The following ERBB4 variants were observed in gnomAD, a reference collection of about 807,000 sequenced individuals.
ERBB4 encodes the protein erb-b2 receptor tyrosine kinase 4.
Under a neutral mutation model 158.0 loss-of-function variants are expected in ERBB4, and 42 were observed. The ratio of observed to expected loss-of-function variants is 0.27; its 90% confidence interval spans 0.21 to 0.34. The LOEUF (loss-of-function observed/expected upper bound fraction) is 0.34, where lower values mean the gene tolerates loss of function less well. Among genes scored for constraint, ERBB4 ranks in the 10% least tolerant of loss-of-function variants. The pLI is 1.00. For missense variants in ERBB4, 1,333 were observed against 1,624.1 expected, an observed-to-expected ratio of 0.82 and a Z score of 3.08; for synonymous variants, 583 against 558.7, an observed-to-expected ratio of 1.04 and a Z score of -0.61.
At chr2:212,413,134 A>ATTTTT (rs370397826) in intron 1 of ERBB4, among the ~76,000 whole-genome samples, 10 of 101,212 alleles carry the variant, frequency 9.9e-5, no homozygotes, top group Non-Finnish European at 1.5e-4. Context: ...TGCGTGGCTA[A>ATTTTT]TTTTTTTTTT....
chr2:212,244,388 G>A (rs1342540111), intron 1 of ERBB4, among the ~76,000 whole-genome samples: 1 of 152,022 alleles, frequency 6.6e-6, no homozygotes, highest in Non-Finnish European at 1.5e-5. Context: ...GGAGCATTCT[G>A]ACAAGACATA....
At chr2:211,683,698 G>A (rs376844131) in intron 12 of ERBB4, among the ~76,000 whole-genome samples, 8 of 150,706 alleles carry the variant, frequency 5.3e-5, no homozygotes, top group East Asian at 3.9e-4. Flanking sequence ...ATAAATTCTC[G>A]GGAGTTAATT....
At chr2:212,099,662 G>C (rs550671830) in intron 2 of ERBB4, among the ~76,000 whole-genome samples, 41 of 151,518 alleles carry the variant, frequency 2.7e-4, no homozygotes, top group African/African-American at 9.2e-4. Context: ...GACAGTGTTA[G>C]TTTTGGCTCT....
chr2:212,127,508 C>T (rs975578817), intron 1 of ERBB4, among the ~76,000 whole-genome samples: 2 of 152,134 alleles, frequency 1.3e-5, no homozygotes, highest in African/African-American at 4.8e-5. Flanking sequence ...AGGAGAATGG[C>T]ATGAACCCGG....
chr2:211,956,704 T>C (rs1444648132), intron 2 of ERBB4, among the ~76,000 whole-genome samples: 2 of 152,110 alleles, frequency 1.3e-5, no homozygotes, highest in Admixed American at 1.3e-4. Flanking sequence ...GTAAACAATA[T>C]ATAAGCAAAA....
intron 2 of ERBB4, among the ~76,000 whole-genome samples, chr2:211,996,412 T>C (rs1283654777): frequency 6.6e-6 from 1 of 152,110 alleles, no homozygotes; most frequent in Non-Finnish European, 1.5e-5. Flanking sequence ...TGAATTTCCA[T>C]CCTATTTTAA....
chr2:212,282,600 A>T (rs2085800713), intron 1 of ERBB4, among the ~76,000 whole-genome samples: 1 of 151,946 alleles, frequency 6.6e-6, no homozygotes, highest in African/African-American at 2.4e-5. Flanking sequence ...ATGGACAAAA[A>T]TAATGGGATA....
At chr2:211,721,517 G>T (rs929561125) in intron 7 of ERBB4, among the ~76,000 whole-genome samples, 10 of 139,100 alleles carry the variant, frequency 7.2e-5, no homozygotes, top group Non-Finnish European at 1.4e-4. Context: ...TGAAAGTTAA[G>T]TCGGTCCTTT....
At chr2:211,559,057 T>C (rs2067314818) in intron 20 of ERBB4, among the ~76,000 whole-genome samples, 1 of 152,178 alleles carries the variant, frequency 6.6e-6, no homozygotes. Context: ...GTGCCAAGTC[T>C]GAAACTGAAC....
At chr2:211,507,240 C>T (rs2065774830) in intron 20 of ERBB4, among the ~76,000 whole-genome samples, 1 of 151,914 alleles carries the variant, frequency 6.6e-6, no homozygotes, top group East Asian at 1.9e-4. Context: ...TCAATAAAAG[C>T]CCAGGACCAG....
At chr2:212,060,995 T>A (rs1006630420) in intron 2 of ERBB4, among the ~76,000 whole-genome samples, 2 of 144,566 alleles carry the variant, frequency 1.4e-5, no homozygotes, top group South Asian at 2.2e-4. Flanking sequence ...ATAAATAAAA[T>A]AAAAAAGTAA....
At position 211,607,138 on chromosome 2, in the gene ERBB4, TA is replaced by T. The variant is rs2069013071; in HGVS notation, c.2301+12038del. The stretch of plus-strand genomic sequence containing the variant: ...CCTTAGATCTTAATTATAACTTGTT[TA>T]AAAAAATAAGAAAAATGAAAAAATA... On this transcript the variant is annotated intron_variant, in intron 19 of 27. Transcript: ENST00000342788. 2.0e-5 allele frequency among the ~76,000 whole-genome samples: 3 copies of T among 152,192 alleles called. No homozygotes were observed. In the South Asian group the frequency reaches 6.2e-4, roughly 32 times the overall value.
intron 4 of ERBB4, among the ~76,000 whole-genome samples, chr2:211,768,853 A>G (rs2106260337): frequency 6.6e-6 from 1 of 152,292 alleles, no homozygotes; most frequent in Non-Finnish European, 1.5e-5. Context: ...GGTGATTAAC[A>G]TTTGGCTCCT....
intron 1 of ERBB4, among the ~76,000 whole-genome samples, chr2:212,281,595 T>C (rs567251769): frequency 1.3e-5 from 2 of 151,964 alleles, no homozygotes; most frequent in East Asian, 3.9e-4. Context: ...TTTCAGTTCT[T>C]TCCATCTTGT....
At chr2:212,203,087 G>A (rs753703934) in intron 1 of ERBB4, among the ~76,000 whole-genome samples, 5 of 151,888 alleles carry the variant, frequency 3.3e-5, no homozygotes, top group Non-Finnish European at 1.5e-5. Context: ...TCCTCTTTGA[G>A]AGCTTACATT....
chr2:211,712,208 G>T (rs766358924), intron 8 of ERBB4, 32 bp from the exon 9 acceptor site: 1 of 1,611,712 alleles, frequency 6.2e-7, no homozygotes, highest in Non-Finnish European at 8.5e-7. Flanking sequence ...TTAGGGGATT[G>T]AGAAACTTAT....
chr2:212,056,287 C>G (rs931704260), intron 2 of ERBB4, among the ~76,000 whole-genome samples: 6 of 151,964 alleles, frequency 3.9e-5, no homozygotes, highest in Non-Finnish European at 8.8e-5. Flanking sequence ...GTGAAAACAC[C>G]AAATCTACAT....
intron 1 of ERBB4, among the ~76,000 whole-genome samples, chr2:212,256,918 A>C (rs1397078657): frequency 1.3e-5 from 2 of 152,176 alleles, no homozygotes; most frequent in Non-Finnish European, 2.9e-5. Context: ...TATTTAAATA[A>C]TTTCAACATT....
chr2:211,555,292 T>C (rs990572059), intron 20 of ERBB4, among the ~76,000 whole-genome samples: 4 of 152,154 alleles, frequency 2.6e-5, no homozygotes, highest in African/African-American at 9.6e-5. Context: ...TTCAAGCGAT[T>C]CTCCTGCCTC....
Sources: gnomAD v4.1 joint callset for allele counts (sites outside exome capture counted in the v4.1 genomes callset) on GRCh38, gnomAD v4.1.1 for gene constraint, MANE v1.5 for transcripts, NCBI Gene and HGNC (gene_info 2026-07-23, HGNC 2026-07-21) for gene names.